Variants in PCDHGB2 observed in about 807,000 individuals in gnomAD.
PCDHGB2 encodes the protein protocadherin gamma subfamily B, 2, also known as protocadherin gamma-B2.
PCDHGB2 carries 55 observed loss-of-function variants against 59.3 expected under a neutral mutation model. The observed-to-expected ratio is 0.93, with a 90% confidence interval of 0.75 to 1.16. The LOEUF (loss-of-function observed/expected upper bound fraction) is 1.16. Ranked by LOEUF, PCDHGB2 falls within the 50% of genes most tolerant of loss-of-function variation. The probability of loss-of-function intolerance (pLI) is 0.00; values close to 1 mark genes in which losing one functional copy is unlikely to be tolerated. For synonymous variants in PCDHGB2, 516 were observed against 512.0 expected, an observed-to-expected ratio of 1.01 and a Z score of -0.11; for missense variants, 1,228 against 1,198.5, an observed-to-expected ratio of 1.02 and a Z score of -0.36.
intron 1 of PCDHGB2, chr5:141,366,917 A>G: frequency 9.1e-7 from 1 of 1,095,104 alleles, no homozygotes; most frequent in South Asian, 1.7e-5. Context: ...ATTTGTTTTC[A>G]AATTCTGTTT....
intron 1 of PCDHGB2, among the ~76,000 whole-genome samples, chr5:141,438,396 A>T (rs1026490705): frequency 6.6e-6 from 1 of 150,930 alleles, no homozygotes. Context: ...TTCATCATTA[A>T]CTCTCTGAAG....
chr5:141,360,166 G>C lies in PCDHGB2; in HGVS notation c.31G>C (p.Val11Leu), dbSNP rs909709535. Residue 11 changes from valine to leucine, a missense_variant, in exon 1 of 4, where the codon GTG (valine) becomes CTG (leucine). Val to Leu is a conservative substitution (Grantham distance 32, BLOSUM62 1). Coordinates refer to ENST00000522605, the MANE Select transcript of PCDHGB2 (RefSeq NM_018923.3). MKASSGRCGL[V>L]RWLQVLLPFL... is the part of the protein sequence containing the mutation. ...AGCGAGCTCAGGGAGGTGCGGGCTG[G>C]TGCGGTGGCTGCAGGTACTGTTGCC... 5 of 1,607,806 alleles carry C rather than the reference G, an allele frequency of 3.1e-6. No individual in the cohort carries two copies. The highest frequency in any genetic ancestry group is 4.2e-6 in the Non-Finnish European group (5 of 1,176,838).
intron 1 of PCDHGB2, chr5:141,384,091 A>G: frequency 3.1e-6 from 5 of 1,595,856 alleles, no homozygotes; most frequent in South Asian, 1.1e-5. Flanking sequence ...AGAAAAATCA[A>G]TAGATAATTA....
chr5:141,465,049 T>G (rs546927594), intron 1 of PCDHGB2, among the ~76,000 whole-genome samples: 1 of 152,016 alleles, frequency 6.6e-6, no homozygotes, highest in Non-Finnish European at 1.5e-5. Flanking sequence ...ACCCTATATA[T>G]TTTTTTGAAT....
rs1245526846 is a variant in PCDHGB2, at chr5:141,512,505, C to T, written c.*1332C>T. ...GCCACTGCCCAGGTCCCCAGTGCGCCCCCTAGTGGCCATAGCCTGGTTAAA... is the reference window on the plus strand; with the variant it reads ...GCCACTGCCCAGGTCCCCAGTGCGCTCCCTAGTGGCCATAGCCTGGTTAAA... On this transcript the variant is annotated 3_prime_UTR_variant, in exon 4 of 4. Transcript: ENST00000522605. The T allele has an allele frequency of 1.3e-5, 2 of 152,888 alleles. No individual in the cohort carries two copies. The highest frequency in any genetic ancestry group is 4.8e-5 in the African/African-American group (2 of 41,466). 9.5% of individuals were successfully genotyped at this position (152,888 alleles called of 1,614,324 possible). A position where few individuals can be genotyped will look rare whatever the true frequency, so the allele number is the denominator to read the frequency against.
intron 1 of PCDHGB2, among the ~76,000 whole-genome samples, chr5:141,472,280 A>G (rs988007394): frequency 6.6e-6 from 1 of 152,276 alleles, no homozygotes; most frequent in African/African-American, 2.4e-5. Context: ...AGTGGCTCAC[A>G]CCTGTAATCC....
Position 141,487,819 on chromosome 5 carries a change from C to T in PCDHGB2, c.2422-6988C>T, listed in dbSNP as rs559702138. 28 of 1,285,530 alleles carry T rather than the reference C, an allele frequency of 2.2e-5. No homozygotes were observed. The highest frequency in any genetic ancestry group is 7.6e-5 in the East Asian group (3 of 39,466). 79.6% of individuals were successfully genotyped at this position (1,285,530 alleles called of 1,614,324 possible). ...AGTTGTCACAGTTTAGCATTGGGGG[C>T]GGGTCATGCCTATATCTGAGTAAGA... is the stretch of plus-strand genomic sequence containing the variant. On this transcript the variant is annotated intron_variant, in intron 1 of 3. Transcript: ENST00000522605. The surrounding 1 kb of genome is among the most constrained non-coding windows in gnomAD (Gnocchi z 5.0).
At position 141,431,698 on chromosome 5, in the gene PCDHGB2, AT is replaced by A. The variant is rs2097408637; in HGVS notation, c.2422-63107del. ...GGGAGTTGGACCACGAGGAGTCAGG[AT>A]TCTACCAGATGGAAGTGCAAGCAAT... On this transcript the variant is annotated intron_variant, in intron 1 of 3. Coordinates refer to ENST00000522605, the MANE Select transcript of PCDHGB2 (RefSeq NM_018923.3). The surrounding 1 kb of genome is among the most constrained non-coding windows in gnomAD (Gnocchi z 4.8). 4.3e-6 allele frequency: 7 copies of A among 1,614,104 alleles called. 1 individual carries two copies. The South Asian group carries it at 7.7e-5, about 18-fold the overall frequency.
chr5:141,443,251 C>T (rs200319609), intron 1 of PCDHGB2, among the ~76,000 whole-genome samples: 7 of 150,782 alleles, frequency 4.6e-5, no homozygotes, highest in East Asian at 3.9e-4. Flanking sequence ...GGCGCCAAGG[C>T]GGGTGGATCA....
intron 1 of PCDHGB2, among the ~76,000 whole-genome samples, chr5:141,458,512 TG>T (rs995261761): frequency 1.3e-5 from 2 of 150,194 alleles, no homozygotes; most frequent in East Asian, 1.9e-4. Flanking sequence ...TTTGACACTT[TG>T]TTTTTTTTTT....
rs978480877 is a variant in PCDHGB2, at chr5:141,417,841, G to A, written c.2421+55285G>A. ...CTCCAACTGGAAAAGCGGGGACCCAGCGAGAACCCGAGCGAACGATGGGAG... is the reference window on the plus strand; with the variant it reads ...CTCCAACTGGAAAAGCGGGGACCCAACGAGAACCCGAGCGAACGATGGGAG... On this transcript the variant is annotated intron_variant, in intron 1 of 3. Coordinates refer to ENST00000522605, the MANE Select transcript of PCDHGB2 (RefSeq NM_018923.3). 1.4e-5 allele frequency: 21 copies of A among 1,537,848 alleles called. No homozygotes were observed. In the African/African-American group the frequency reaches 2.6e-4, roughly 19 times the overall value.
intron 1 of PCDHGB2, chr5:141,418,306 GA>G: frequency 6.2e-7 from 1 of 1,614,032 alleles, no homozygotes; most frequent in East Asian, 2.2e-5. Flanking sequence ...TCAGCCTGGG[GA>G]TGGGAACAAT....
At chr5:141,459,263 C>T (rs2098964603) in intron 1 of PCDHGB2, among the ~76,000 whole-genome samples, 1 of 152,176 alleles carries the variant, frequency 6.6e-6, no homozygotes, top group South Asian at 2.1e-4. Flanking sequence ...ATTAGTGTTG[C>T]CTCTTTCAGA....
chr5:141,413,045 G>A, intron 1 of PCDHGB2: 1 of 894,362 alleles, frequency 1.1e-6, no homozygotes, highest in South Asian at 1.9e-5. Flanking sequence ...CTGGGCTGCA[G>A]GGAAGCTCAC....
intron 1 of PCDHGB2, chr5:141,418,643 C>A (rs188546091): frequency 2.9e-5 from 46 of 1,614,022 alleles, no homozygotes; most frequent in Admixed American, 6.7e-5. Context: ...CACCTCCATC[C>A]TGAGAGTGAA....
At chr5:141,479,048 C>A (rs1253895615) in intron 1 of PCDHGB2, among the ~76,000 whole-genome samples, 1 of 152,150 alleles carries the variant, frequency 6.6e-6, no homozygotes, top group Admixed American at 6.5e-5. Flanking sequence ...GTACCTCATT[C>A]TCAGATAATT....
intron 1 of PCDHGB2, chr5:141,394,431 C>G: frequency 1.2e-6 from 2 of 1,614,252 alleles, no homozygotes; most frequent in Non-Finnish European, 1.7e-6. Context: ...CAGCGGGGAC[C>G]CGCCCCTCAG....
chr5:141,370,214 C>T (rs988145754), intron 1 of PCDHGB2: 21 of 565,608 alleles, frequency 3.7e-5, no homozygotes, highest in African/African-American at 3.8e-5. Context: ...ATTGGCTCCT[C>T]CCGCTGCAGC....
chr5:141,385,418 A>T (rs1317845643), intron 1 of PCDHGB2: 10 of 1,466,496 alleles, frequency 6.8e-6, no homozygotes, highest in Non-Finnish European at 8.1e-6. Context: ...ATAGGGATTT[A>T]AAAAACTTTA....
Sources: allele counts gnomAD v4.1 joint callset (sites outside exome capture counted in the v4.1 genomes callset), GRCh38; gene constraint gnomAD v4.1.1; non-coding constraint Gnocchi (gnomAD v3.1); transcripts MANE v1.5; gene names NCBI Gene and HGNC (gene_info 2026-07-23, HGNC 2026-07-21).